CDC123: variants seen among roughly 807,000 people sequenced by gnomAD.
The protein encoded by CDC123 is translation initiation factor eIF2 assembly protein.
In CDC123, 37 loss-of-function variants were observed where a neutral mutation model predicts 54.4. The ratio of observed to expected loss-of-function variants is 0.68; its 90% confidence interval spans 0.52 to 0.89. CDC123 has a LOEUF of 0.89. Among genes scored for constraint, CDC123 ranks in the 40% least tolerant of loss-of-function variants. CDC123 has a pLI of 0.00. For synonymous variants in CDC123, 144 were observed against 136.8 expected (o/e 1.05, Z -0.37); for missense variants, 361 against 412.1 (o/e 0.88, Z 1.07).
intron 6 of CDC123, among the ~76,000 whole-genome samples, chr10:12,224,378 T>G (rs1835777639): frequency 6.6e-6 from 1 of 152,110 alleles, no homozygotes; most frequent in Non-Finnish European, 1.5e-5. Flanking sequence ...TAAAGTGTAG[T>G]AAAAATATGC....
intron 6 of CDC123, among the ~76,000 whole-genome samples, chr10:12,218,309 C>T (rs1467183576): frequency 9.1e-5 from 13 of 143,376 alleles, no homozygotes; most frequent in Admixed American, 2.2e-4. Context: ...TGCAGTGGCA[C>T]GATCTCAGCT....
chr10:12,222,117 CAA>C (rs1212787137), intron 6 of CDC123, among the ~76,000 whole-genome samples: 1 of 152,192 alleles, frequency 6.6e-6, no homozygotes, highest in Non-Finnish European at 1.5e-5. Flanking sequence ...ACATGCATCT[CAA>C]TGATTAGAGA....
intron 2 of CDC123, among the ~76,000 whole-genome samples, chr10:12,199,204 A>G (rs1312290287): frequency 6.6e-6 from 1 of 152,154 alleles, no homozygotes; most frequent in African/African-American, 2.4e-5. Context: ...CACTTTCTAG[A>G]AGCTGTTCAG....
chr10:12,198,352 T>C (rs1025889867), intron 1 of CDC123, among the ~76,000 whole-genome samples: 3 of 152,204 alleles, frequency 2.0e-5, no homozygotes, highest in African/African-American at 7.2e-5. Flanking sequence ...TTGGGTTTGC[T>C]GCATTTCCTG....
At chr10:12,247,573 G>C (rs12268850) in intron 11 of CDC123, 4,502 of 152,080 alleles carry the variant, frequency 0.03, 183 homozygotes, top group South Asian at 0.099. Context: ...TGCTCTTTTT[G>C]CAATTCTTCC....
chr10:12,231,900 C>G (rs1255485955), intron 7 of CDC123, among the ~76,000 whole-genome samples: 2 of 152,098 alleles, frequency 1.3e-5, no homozygotes, highest in East Asian at 3.9e-4. Flanking sequence ...GGCTGGAATG[C>G]AGTGGCGCGA....
At chr10:12,222,751 AT>A (rs983784425) in intron 6 of CDC123, among the ~76,000 whole-genome samples, 1 of 151,766 alleles carries the variant, frequency 6.6e-6, no homozygotes, top group African/African-American at 2.4e-5. Flanking sequence ...TGTCTTAGTA[AT>A]TTTTTTTTAA....
chr10:12,236,440 A>G (rs1302294677), intron 8 of CDC123, among the ~76,000 whole-genome samples: 4 of 152,116 alleles, frequency 2.6e-5, no homozygotes, highest in African/African-American at 9.7e-5. Flanking sequence ...CTCTACAAAA[A>G]ATAAAACGAT....
chr10:12,209,476 C>A (rs1835567065), intron 2 of CDC123, among the ~76,000 whole-genome samples: 1 of 152,208 alleles, frequency 6.6e-6, no homozygotes, highest in Admixed American at 6.5e-5. Context: ...CTCAAGCAAT[C>A]CTCCCATCTC....
intron 6 of CDC123, among the ~76,000 whole-genome samples, chr10:12,224,347 T>C (rs778960282): frequency 6.6e-6 from 1 of 152,062 alleles, no homozygotes; most frequent in Non-Finnish European, 1.5e-5. Context: ...CTTTCCAAAA[T>C]TCCTGTTAAC....
intron 6 of CDC123, among the ~76,000 whole-genome samples, chr10:12,229,845 A>T (rs1300880605): frequency 6.6e-6 from 1 of 152,256 alleles, no homozygotes; most frequent in African/African-American, 2.4e-5. Context: ...GAGTTTTAAA[A>T]TGGCACGTGG....
At chr10:12,227,826 G>A (rs759062436) in intron 6 of CDC123, among the ~76,000 whole-genome samples, 13 of 152,034 alleles carry the variant, frequency 8.6e-5, no homozygotes, top group South Asian at 4.1e-4. Flanking sequence ...AATAGAAAAC[G>A]TATAGAGGAA....
At chr10:12,249,194 T>C (rs1193079625) in intron 11 of CDC123, among the ~76,000 whole-genome samples, 1 of 151,508 alleles carries the variant, frequency 6.6e-6, no homozygotes, top group Non-Finnish European at 1.5e-5. Context: ...CTTAACACTT[T>C]GGGAGGCCAA....
rs186913730 is a variant in CDC123 at position 12,199,191 on chromosome 10, C to G, written c.146+415C>G. Among the ~76,000 whole-genome samples, 669 of 152,342 alleles carry G rather than the reference C, an allele frequency of 4.4e-3. 5 individuals are homozygous for G. The highest frequency in any genetic ancestry group is 7.3e-3 in the Non-Finnish European group (498 of 68,028). ...CACGATTGAACTACCGTGGCCCCCC[C>G]TCCACTTTCTAGAAGCTGTTCAGGT... On this transcript the variant is annotated intron_variant, in intron 2 of 12. Coordinates refer to ENST00000281141, the MANE Select transcript of CDC123 (RefSeq NM_006023.3).
chr10:12,217,144 C>T (rs183620280), intron 5 of CDC123, among the ~76,000 whole-genome samples: 2 of 152,198 alleles, frequency 1.3e-5, no homozygotes, highest in South Asian at 2.1e-4. Context: ...ATGTGAGGAC[C>T]CTGACATCTC....
At chr10:12,229,109 C>T (rs1835865613) in intron 6 of CDC123, among the ~76,000 whole-genome samples, 1 of 152,190 alleles carries the variant, frequency 6.6e-6, no homozygotes, top group Non-Finnish European at 1.5e-5. Context: ...GTTAGACCCT[C>T]ATCTCCCCGA....
intron 2 of CDC123, 91 bp from the exon 3 acceptor site, chr10:12,209,876 T>C: frequency 8.0e-7 from 1 of 1,246,894 alleles, no homozygotes; most frequent in Non-Finnish European, 1.2e-6. Flanking sequence ...ATTTTAAGGC[T>C]ATTTAAAAAC....
At chr10:12,246,014 G>A (rs1336407379) in intron 10 of CDC123, 135 bp from the exon 11 acceptor site, 1 of 889,916 alleles carries the variant, frequency 1.1e-6, no homozygotes, top group Non-Finnish European at 1.7e-6. Context: ...AGGCTGCAGT[G>A]AGCCGTGATC....
chr10:12,248,001 C>CAA (rs1157185466), intron 11 of CDC123, among the ~76,000 whole-genome samples: 1 of 137,826 alleles, frequency 7.3e-6, no homozygotes, highest in African/African-American at 2.6e-5. Context: ...AAGACTGTCT[C>CAA]AAAAAAAAAA....
Sources: gnomAD v4.1 joint callset for allele counts (sites outside exome capture counted in the v4.1 genomes callset) on GRCh38, gnomAD v4.1.1 for gene constraint, MANE v1.5 for transcripts, NCBI Gene and HGNC (gene_info 2026-07-23, HGNC 2026-07-21) for gene names.